Variants in SNRNP40 observed in about 807,000 individuals in gnomAD.
SNRNP40 encodes the protein small nuclear ribonucleoprotein U5 subunit 40.
Under a neutral mutation model 45.8 loss-of-function variants are expected in SNRNP40, and 21 were observed. That is an observed-to-expected ratio of 0.46 (90% confidence interval 0.32 to 0.66). The LOEUF (loss-of-function observed/expected upper bound fraction) is 0.66, where lower values mean the gene tolerates loss of function less well. Among genes scored for constraint, SNRNP40 ranks in the 30% least tolerant of loss-of-function variants. SNRNP40 has a pLI of 0.03. For synonymous variants in SNRNP40, 142 were observed against 163.8 expected, an observed-to-expected ratio of 0.87 and a Z score of 1.01; for missense variants, 344 against 439.1, an observed-to-expected ratio of 0.78 and a Z score of 1.94.
At chr1:31,270,192 A>G (rs934410383) in intron 6 of SNRNP40, among the ~76,000 whole-genome samples, 4 of 152,224 alleles carry the variant, frequency 2.6e-5, no homozygotes, top group Non-Finnish European at 4.4e-5. Context: ...ATGAGATGAT[A>G]TATGTGCAAA....
intron 4 of SNRNP40, among the ~76,000 whole-genome samples, chr1:31,288,667 C>T (rs1431843501): frequency 8.5e-6 from 1 of 117,162 alleles, no homozygotes; most frequent in South Asian, 3.6e-4. Flanking sequence ...TCAGAACAGC[C>T]TTTTTTTTTT....
At chr1:31,284,595 C>T (rs750409753) in intron 4 of SNRNP40, among the ~76,000 whole-genome samples, 8 of 152,128 alleles carry the variant, frequency 5.3e-5, no homozygotes, top group Admixed American at 2.0e-4. Context: ...AAGTATGGGT[C>T]GTTTCATTCA....
intron 6 of SNRNP40, 154 bp from the exon 7 acceptor site, chr1:31,269,394 G>C (rs1369740508): frequency 1.1e-5 from 16 of 1,398,140 alleles, no homozygotes; most frequent in Non-Finnish European, 1.5e-5. Context: ...ACCTGTTAAG[G>C]CTCTTTTCTT....
chr1:31,264,430 A>C (rs1179507319), intron 8 of SNRNP40, among the ~76,000 whole-genome samples: 1 of 152,172 alleles, frequency 6.6e-6, no homozygotes, highest in East Asian at 1.9e-4. Flanking sequence ...TGGAGTCAGA[A>C]AGACTGGGGT....
At chr1:31,281,183 A>G (rs1646014242) in intron 5 of SNRNP40, among the ~76,000 whole-genome samples, 191 bp downstream of exon 5, 1 of 152,256 alleles carries the variant, frequency 6.6e-6, no homozygotes. Flanking sequence ...GACAGCATTT[A>G]TAAGATCTGC....
intron 6 of SNRNP40, 175 bp from the exon 7 acceptor site, chr1:31,269,415 G>C: frequency 7.3e-7 from 1 of 1,362,608 alleles, no homozygotes; most frequent in Non-Finnish European, 9.5e-7. Flanking sequence ...TTTCAAGCAG[G>C]AAAACACATC....
rs535689968 is a variant in SNRNP40 at position 31,289,579 on chromosome 1, C to A, written c.366-160G>T. Reference sequence around the variant, plus strand: ...CTGGAATGCCTCACCCTACCAAAATCCTATTTGTCCTCTAGGCCCAGATGG... The same window carrying A: ...CTGGAATGCCTCACCCTACCAAAATACTATTTGTCCTCTAGGCCCAGATGG... On this transcript the variant is annotated intron_variant, in intron 3 of 9. Transcript: ENST00000263694. Among the ~76,000 whole-genome samples, 8 of 152,342 alleles carry A rather than the reference C, an allele frequency of 5.3e-5. No individual in the cohort carries two copies. The South Asian group carries it at 1.7e-3, about 32-fold the overall frequency.
At position 31,260,079 on chromosome 1, in the gene SNRNP40, A is replaced by G. The variant is rs1297002147; in HGVS notation, c.1067T>C (p.Ile356Thr). ...SSDKRLYMGE[I>T]Q Reference sequence around the variant, plus strand: ...GTCTTCCAGTCCATATCTTCACTGAATCTCTCCCATATACAGTCTCTTGTC... The same window carrying G: ...GTCTTCCAGTCCATATCTTCACTGAGTCTCTCCCATATACAGTCTCTTGTC... The change falls in exon 10 of 10, where the codon ATT becomes ACT. Residue 356 changes from isoleucine (I) to threonine (T), a missense_variant. Around this residue, in one of 2 missense-constraint regions of SNRNP40, gnomAD observed 254 missense variants for 380.2 expected, o/e 0.67. Coordinates refer to ENST00000263694, the MANE Select transcript of SNRNP40 (RefSeq NM_004814.3). 1 of 1,610,750 alleles carries G rather than the reference A, an allele frequency of 6.2e-7. No individual in the cohort carries two copies. Among genetic ancestry groups the G allele is most frequent in the East Asian group, 2.2e-5 (1 of 44,868 alleles).
At chr1:31,288,237 G>A (rs969860166) in intron 4 of SNRNP40, among the ~76,000 whole-genome samples, 1 of 151,794 alleles carries the variant, frequency 6.6e-6, no homozygotes, top group South Asian at 2.1e-4. Flanking sequence ...TAGTTTCCCA[G>A]ATGTACTCTT....
chr1:31,295,350 C>CA (rs11447322), intron 1 of SNRNP40, among the ~76,000 whole-genome samples: 82,386 of 151,642 alleles, frequency 0.54, 23,293 homozygotes, highest in Non-Finnish European at 0.62. Flanking sequence ...AACAAAAAAA[C>CA]AAAAAAAGAG....
intron 8 of SNRNP40, among the ~76,000 whole-genome samples, chr1:31,264,608 G>A (rs1479922787): frequency 6.6e-6 from 1 of 152,146 alleles, no homozygotes; most frequent in Non-Finnish European, 1.5e-5. Context: ...AAAGTGCCTG[G>A]CACACAGAAT....
In SNRNP40 at chr1:31,296,761, C is replaced by T. The variant is rs964854911; in HGVS notation, c.-10G>A. Reference sequence around the variant, plus strand: ...TCTGCTGTTCTATCATGGCGGCAACCGGTCTCTTCAGCGCCGCCACTGACC... The same window carrying T: ...TCTGCTGTTCTATCATGGCGGCAACTGGTCTCTTCAGCGCCGCCACTGACC... On this transcript the variant is annotated 5_prime_UTR_variant, in exon 1 of 10. Transcript: ENST00000263694. 2.1e-5 allele frequency: 33 copies of T among 1,591,386 alleles called. No individual in the cohort carries two copies. The East Asian group carries it at 6.6e-4, about 32-fold the overall frequency.
chr1:31,262,008 G>T (rs1452409533), intron 8 of SNRNP40, among the ~76,000 whole-genome samples: 1 of 152,170 alleles, frequency 6.6e-6, no homozygotes, highest in Non-Finnish European at 1.5e-5. Flanking sequence ...AAATCTAAAA[G>T]GTAACCCAAC....
At chr1:31,276,229 A>C (rs1003809502) in intron 5 of SNRNP40, among the ~76,000 whole-genome samples, 1 of 152,206 alleles carries the variant, frequency 6.6e-6, no homozygotes, top group Non-Finnish European at 1.5e-5. Context: ...AGGTTAAAAC[A>C]ACTTTTTTAA....
chr1:31,279,517 G>T (rs1646000737), intron 5 of SNRNP40, among the ~76,000 whole-genome samples: 1 of 152,196 alleles, frequency 6.6e-6, no homozygotes, highest in African/African-American at 2.4e-5. Flanking sequence ...GGAGGCCAAG[G>T]CGGGTGGATC....
At chr1:31,293,412 G>T (rs1157799230) in intron 1 of SNRNP40, 64 bp from the exon 2 acceptor site, 3 of 1,489,146 alleles carry the variant, frequency 2.0e-6, no homozygotes, top group African/African-American at 2.8e-5. Flanking sequence ...AAAATTAGGG[G>T]GTGGGGAGTG....
chr1:31,293,149 C>T, intron 2 of SNRNP40, 70 bp downstream of exon 2: 1 of 1,561,288 alleles, frequency 6.4e-7, no homozygotes, highest in Non-Finnish European at 8.8e-7. Flanking sequence ...TTCTGTGGCA[C>T]CCAAGATTTA....
At chr1:31,261,202 T>C in intron 9 of SNRNP40, 1 of 321,234 alleles carries the variant, frequency 3.1e-6, no homozygotes, top group South Asian at 2.7e-5. Context: ...AAAAAAAAAA[T>C]TAGCTGGGCA....
chr1:31,288,382 C>T (rs1000082214), intron 4 of SNRNP40, among the ~76,000 whole-genome samples: 1 of 152,056 alleles, frequency 6.6e-6, no homozygotes, highest in African/African-American at 2.4e-5. Context: ...ATTTCTAGGC[C>T]TCAGTTTCCT....
Sources: allele counts gnomAD v4.1 joint callset (sites outside exome capture counted in the v4.1 genomes callset), GRCh38; gene constraint gnomAD v4.1.1; regional missense constraint gnomAD v4.1.1; transcripts MANE v1.5; gene names NCBI Gene and HGNC (gene_info 2026-07-23, HGNC 2026-07-21).